The following HNRNPC variants were observed in gnomAD, a reference collection of about 807,000 sequenced individuals.
HNRNPC encodes the protein heterogeneous nuclear ribonucleoprotein C, also known as heterogeneous nuclear ribonucleoproteins C1/C2.
HNRNPC carries 3 observed loss-of-function variants against 33.2 expected under a neutral mutation model. The observed-to-expected ratio is 0.09, with a 90% CI of 0.04 to 0.23. HNRNPC has a LOEUF of 0.23. HNRNPC is among the 10% of genes least tolerant of loss of function. The pLI is 1.00. For missense variants in HNRNPC, 143 were observed against 366.7 expected (o/e 0.39, Z 4.98); for synonymous variants, 121 against 126.7 (o/e 0.96, Z 0.30).
At position 21,234,237 on chromosome 14, in the gene HNRNPC, G is replaced by C. The variant is rs762291787; in HGVS notation, c.-36-8C>G. The C allele has an allele frequency of 1.1e-5, 17 of 1,588,190 alleles. No individual in the cohort carries two copies. The highest frequency in any genetic ancestry group is 1.5e-5 in the Non-Finnish European group (17 of 1,168,922). ...TTCTCACAAAGCCGAAAACTGTAAA[G>C]CAAAAAAAAGTATACAGGTGAACAG... On this transcript the variant is annotated splice_region_variant and splice_polypyrimidine_tract_variant and intron_variant, in intron 2 of 8. Transcript: ENST00000553300.
Position 21,210,172 on chromosome 14 carries a change from G to C in HNRNPC, c.*1051C>G, listed in dbSNP as rs184863444. On this transcript the variant is annotated 3_prime_UTR_variant, in exon 9 of 9. Coordinates refer to ENST00000553300, the MANE Select transcript of HNRNPC (RefSeq NM_004500.4). ...AGGGGGGTTCCATTATGCAGCTGTC[G>C]CCATTTTCCTGAAATCTTGATGTTT... The C allele has an allele frequency of 6.6e-6, 1 of 152,052 alleles. No individual in the cohort carries two copies. Among genetic ancestry groups the C allele is most frequent in the African/African-American group, 2.4e-5 (1 of 41,394 alleles). The allele number at this position is 152,052 out of a possible 1,614,324, so 9.4% of individuals were successfully genotyped here.
At chr14:21,255,073 AT>A (rs1876936428) in intron 2 of HNRNPC, among the ~76,000 whole-genome samples, 1 of 152,208 alleles carries the variant, frequency 6.6e-6, no homozygotes, top group Non-Finnish European at 1.5e-5. Flanking sequence ...TGAAGATTTT[AT>A]TTAAAGGATC....
intron 3 of HNRNPC, 53 bp from the exon 4 acceptor site, chr14:21,231,125 A>C: frequency 6.6e-7 from 1 of 1,526,572 alleles, no homozygotes; most frequent in South Asian, 1.1e-5. Context: ...GGGTAAAACA[A>C]ACTACAAAGT....
At chr14:21,261,360 A>C (rs578135615) in intron 2 of HNRNPC, among the ~76,000 whole-genome samples, 1 of 152,340 alleles carries the variant, frequency 6.6e-6, no homozygotes, top group Admixed American at 6.5e-5. Flanking sequence ...TGACAGCAGC[A>C]AAGAAGAAAA....
At chr14:21,253,637 GAAT>G (rs748574326) in intron 2 of HNRNPC, among the ~76,000 whole-genome samples, 10 of 151,968 alleles carry the variant, frequency 6.6e-5, no homozygotes, top group African/African-American at 2.2e-4. Flanking sequence ...AAATCCTTCA[GAAT>G]AATACAGGGT....
intron 5 of HNRNPC, among the ~76,000 whole-genome samples, chr14:21,223,400 T>C (rs1234481649): frequency 6.6e-6 from 1 of 152,100 alleles, no homozygotes; most frequent in South Asian, 2.1e-4. Context: ...TAAACGAGTC[T>C]AGGACACAAT....
chr14:21,222,658 C>G lies in HNRNPC; in HGVS notation c.365+7661G>C, dbSNP rs764388058. Among the ~76,000 whole-genome samples, 2 of 150,694 alleles carry G rather than the reference C, an allele frequency of 1.3e-5. 1 individual carries two copies. The highest frequency in any genetic ancestry group is 4.9e-5 in the African/African-American group (2 of 40,924). ...CTGTAATCCCAGCACTTTGGGAGGCCGAGGCAGGCAGATCATGAGGTCAGG... is the reference window on the plus strand; with the variant it reads ...CTGTAATCCCAGCACTTTGGGAGGCGGAGGCAGGCAGATCATGAGGTCAGG... On this transcript the variant is annotated intron_variant, in intron 5 of 8. Transcript: ENST00000553300.
At chr14:21,229,529 TCTAATG>T (rs1893873444) in intron 5 of HNRNPC, among the ~76,000 whole-genome samples, 1 of 152,242 alleles carries the variant, frequency 6.6e-6, no homozygotes, top group Non-Finnish European at 1.5e-5. Context: ...CTTCTGGCCT[TCTAATG>T]ACTACGTACC....
At chr14:21,264,567 G>C (rs895743822) in intron 1 of HNRNPC, 6 of 152,060 alleles carry the variant, frequency 3.9e-5, no homozygotes, top group Non-Finnish European at 8.8e-5. Flanking sequence ...CTAAAAATCT[G>C]GTACATAATA....
chr14:21,245,867 G>T (rs765033753), intron 2 of HNRNPC, among the ~76,000 whole-genome samples: 4 of 151,388 alleles, frequency 2.6e-5, no homozygotes, highest in Middle Eastern at 3.2e-3. Flanking sequence ...AGTTTTTTTT[G>T]AGGAGTCTCC....
intron 5 of HNRNPC, among the ~76,000 whole-genome samples, chr14:21,219,617 A>AT (rs746298462): frequency 2.6e-5 from 4 of 151,628 alleles, no homozygotes; most frequent in Non-Finnish European, 5.9e-5. Context: ...ATGCTTCTCC[A>AT]TTTTTTTCAT....
At chr14:21,239,183 T>C (rs574437036) in intron 2 of HNRNPC, among the ~76,000 whole-genome samples, 1 of 152,240 alleles carries the variant, frequency 6.6e-6, no homozygotes, top group Non-Finnish European at 1.5e-5. Context: ...AATCAGAAGG[T>C]TAAATACTTC....
chr14:21,268,929 G>C (rs1042338908), intron 1 of HNRNPC, among the ~76,000 whole-genome samples: 3 of 151,792 alleles, frequency 2.0e-5, no homozygotes, highest in Non-Finnish European at 4.4e-5. Context: ...CATGTAAGAA[G>C]AACGGAGGTA....
intron 2 of HNRNPC, among the ~76,000 whole-genome samples, chr14:21,248,863 T>A (rs1896295468): frequency 6.6e-6 from 1 of 152,186 alleles, no homozygotes; most frequent in South Asian, 2.1e-4. Context: ...CTTTGAGAAT[T>A]CATCTGAAAG....
rs1403128048 is a variant in HNRNPC at position 21,240,726 on chromosome 14, T to C, written c.-36-6497A>G. Among the ~76,000 whole-genome samples, 3 of 152,194 alleles carry C rather than the reference T, an allele frequency of 2.0e-5. No homozygotes were observed. In the South Asian group the frequency reaches 6.2e-4, roughly 32 times the overall value. On this transcript the variant is annotated intron_variant, in intron 2 of 8. Transcript: ENST00000553300. ...TCTTGGCTTATTTAGTGCAAAAGTA[T>C]ACAAGTTAAACAAAGTACAAGATGT...
chr14:21,232,183 C>T (rs1241458653), intron 3 of HNRNPC, among the ~76,000 whole-genome samples: 2 of 152,140 alleles, frequency 1.3e-5, no homozygotes, highest in South Asian at 2.1e-4. Flanking sequence ...TTTATCTTCT[C>T]CTTGTTCTAA....
intron 2 of HNRNPC, among the ~76,000 whole-genome samples, chr14:21,261,455 C>T (rs1169054288): frequency 1.3e-5 from 2 of 152,138 alleles, no homozygotes; most frequent in African/African-American, 4.8e-5. Flanking sequence ...TAGATAACTT[C>T]CAGGAATCTT....
chr14:21,261,230 TTAAACATAA>T (rs1878192336), intron 2 of HNRNPC, among the ~76,000 whole-genome samples: 1 of 152,124 alleles, frequency 6.6e-6, no homozygotes, highest in South Asian at 2.1e-4. Flanking sequence ...TGCGAAGCCC[TTAAACATAA>T]TAAACTATTT....
At chr14:21,215,707 G>A (rs1263282488) in intron 5 of HNRNPC, among the ~76,000 whole-genome samples, 1 of 152,090 alleles carries the variant, frequency 6.6e-6, no homozygotes, top group Non-Finnish European at 1.5e-5. Context: ...AGACCAGCCT[G>A]ACCAACATGG....
Sources: allele counts gnomAD v4.1 joint callset (sites outside exome capture counted in the v4.1 genomes callset), GRCh38; gene constraint gnomAD v4.1.1; transcripts MANE v1.5; gene names NCBI Gene and HGNC (gene_info 2026-07-23, HGNC 2026-07-21).